Variants in MLIP observed in about 807,000 individuals in gnomAD.
The protein encoded by MLIP is muscular LMNA-interacting protein.
Under a neutral mutation model 84.8 loss-of-function variants are expected in MLIP, and 79 were observed. The observed-to-expected ratio is 0.93, with a 90% confidence interval of 0.78 to 1.12. MLIP has a LOEUF of 1.12. Ranked by LOEUF, MLIP falls within the 50% of genes most tolerant of loss-of-function variation. The pLI, the probability that MLIP is intolerant of heterozygous loss-of-function variation, is 0.00. For synonymous variants in MLIP, 504 were observed against 463.0 expected, an observed-to-expected ratio of 1.09 and a Z score of -1.14; for missense variants, 1,257 against 1,160.6, an observed-to-expected ratio of 1.08 and a Z score of -1.21.
At chr6:54,224,460 G>A (rs561217119) in intron 11 of MLIP, among the ~76,000 whole-genome samples, 3 of 151,728 alleles carry the variant, frequency 2.0e-5, no homozygotes, top group Admixed American at 2.0e-4. Flanking sequence ...AAAGCTCCAA[G>A]TCACAAATAG....
In MLIP at chr6:54,182,251, C is replaced by T. The variant is rs111952456; in HGVS notation, c.2545-7619C>T. ...TCCAAATGCTCTCTCCATCTGTGGG[C>T]ACTGGCTGAGCCCAACATAGTTTTG... On this transcript the variant is annotated intron_variant, in intron 9 of 13. Transcript: ENST00000502396. Among the ~76,000 whole-genome samples, 6 of 152,302 alleles carry T rather than the reference C, an allele frequency of 3.9e-5. No homozygotes were observed. The East Asian group carries it at 7.7e-4, about 20-fold the overall frequency.
chr6:54,120,401 ATT>A (rs10708241), intron 1 of MLIP, among the ~76,000 whole-genome samples: 3 of 151,172 alleles, frequency 2.0e-5, no homozygotes, highest in African/African-American at 4.9e-5. Flanking sequence ...CGCCCGGCTC[ATT>A]TTTTTTTGTA....
intron 1 of MLIP, among the ~76,000 whole-genome samples, chr6:54,038,318 A>G (rs1764557422): frequency 6.6e-6 from 1 of 151,952 alleles, no homozygotes; most frequent in South Asian, 2.1e-4. Context: ...CACCTTGTTC[A>G]TTCCTGAGGT....
At chr6:54,218,920 C>T (rs1780027246) in intron 11 of MLIP, among the ~76,000 whole-genome samples, 1 of 151,786 alleles carries the variant, frequency 6.6e-6, no homozygotes, top group Non-Finnish European at 1.5e-5. Context: ...AATGCAAACA[C>T]AGGCCAGGTG....
chr6:54,236,832 G>A (rs1316058138), intron 12 of MLIP, among the ~76,000 whole-genome samples: 2 of 152,066 alleles, frequency 1.3e-5, no homozygotes, highest in East Asian at 1.9e-4. Flanking sequence ...TTGGCCATGA[G>A]TTTGGTGCTA....
At chr6:54,204,073 A>C (rs1778878419) in intron 11 of MLIP, among the ~76,000 whole-genome samples, 1 of 152,228 alleles carries the variant, frequency 6.6e-6, no homozygotes, top group South Asian at 2.1e-4. Context: ...TATTTACAAA[A>C]TTCAGATGAA....
chr6:54,040,798 T>C (rs1192972891), intron 1 of MLIP, among the ~76,000 whole-genome samples: 2 of 152,062 alleles, frequency 1.3e-5, no homozygotes, highest in African/African-American at 4.8e-5. Context: ...ATTATCCTAA[T>C]AGAATTAATG....
chr6:54,063,365 G>A (rs1342980962), intron 1 of MLIP: 1 of 151,868 alleles, frequency 6.6e-6, no homozygotes, highest in Non-Finnish European at 1.5e-5. Context: ...TGTTGGTAGC[G>A]ATGGGGAGTA....
chr6:54,113,786 A>G (rs1006046878), intron 1 of MLIP, among the ~76,000 whole-genome samples: 1 of 152,168 alleles, frequency 6.6e-6, no homozygotes, highest in African/African-American at 2.4e-5. Flanking sequence ...CAGTCATCAT[A>G]GTATCAACTC....
chr6:54,156,680 C>A (rs898262076), intron 5 of MLIP, among the ~76,000 whole-genome samples: 5 of 152,006 alleles, frequency 3.3e-5, no homozygotes, highest in African/African-American at 1.2e-4. Flanking sequence ...AATCATATTA[C>A]TTCTATGATT....
chr6:54,040,580 A>ATCT (rs1476799297), intron 1 of MLIP, among the ~76,000 whole-genome samples: 1 of 152,074 alleles, frequency 6.6e-6, no homozygotes, highest in Non-Finnish European at 1.5e-5. Flanking sequence ...TGCAAAGGAA[A>ATCT]ATAGATTGCT....
intron 2 of MLIP, 137 bp from the exon 3 acceptor site, chr6:54,124,336 C>G: frequency 1.2e-6 from 1 of 866,394 alleles, no homozygotes; most frequent in Non-Finnish European, 1.7e-6. Context: ...TAACTTCAAC[C>G]CAATCTCTTT....
intron 11 of MLIP, among the ~76,000 whole-genome samples, chr6:54,224,674 C>G (rs1316201061): frequency 2.6e-5 from 4 of 151,944 alleles, no homozygotes; most frequent in African/African-American, 4.8e-5. Context: ...GACCCTGGTT[C>G]TCCCATCCCC....
intron 2 of MLIP, 115 bp from the exon 3 acceptor site, chr6:54,124,358 C>T: frequency 1.0e-6 from 1 of 978,824 alleles, no homozygotes; most frequent in Non-Finnish European, 1.4e-6. Context: ...TTATGTCAAC[C>T]TAATTTAATA....
chr6:54,194,197 AGCG>A (rs5876366), intron 10 of MLIP, among the ~76,000 whole-genome samples: 125,398 of 147,368 alleles, frequency 0.85, 53,308 homozygotes, highest in Non-Finnish European at 0.94. Flanking sequence ...ATCCAGCTTT[AGCG>A]GTGGGTGCAT....
At chr6:54,027,464 G>GT in intron 1 of MLIP, among the ~76,000 whole-genome samples, 1 of 151,002 alleles carries the variant, frequency 6.6e-6, no homozygotes, top group South Asian at 2.1e-4. Context: ...TTTAAAAATG[G>GT]TTTCTTTTAT....
In MLIP at chr6:54,251,874, CATATAAT is replaced by C. The variant is rs375317888; in HGVS notation, c.2923-5423_2923-5417del. 8.7e-3 allele frequency among the ~76,000 whole-genome samples: 514 copies of C among 59,260 alleles called. 4 individuals are homozygous for C. Among genetic ancestry groups the C allele is most frequent in the African/African-American group, 0.052 (478 of 9,256 alleles). The allele number at this position is 59,260 out of a possible 152,430, so 38.9% of individuals were successfully genotyped here. A position where few individuals can be genotyped will look rare whatever the true frequency, so the allele number is the denominator to read the frequency against. ...TATATAATATAAATATATATTATAACATATAATATATAATATAAATATATATTATAAC... is the reference window on the plus strand; with the variant it reads ...TATATAATATAAATATATATTATAACATATAATATAAATATATATTATAAC... On this transcript the variant is annotated intron_variant, in intron 12 of 13. Coordinates refer to ENST00000502396, the MANE Select transcript of MLIP (RefSeq NM_001281747.2).
chr6:54,114,334 A>T (rs368370316), intron 1 of MLIP, among the ~76,000 whole-genome samples: 6 of 152,048 alleles, frequency 3.9e-5, no homozygotes, highest in African/African-American at 1.4e-4. Context: ...TCACATTTCC[A>T]CTTGGTTGTA....
Position 54,137,865 on chromosome 6 carries a change from A to G in MLIP, c.1796A>G (p.Asn599Ser). ...TTATCTTCTCTATCTCCTCCTATTAATCAAAGAGCTACGTTCTCTTCTTCA... is the reference window on the plus strand; with the variant it reads ...TTATCTTCTCTATCTCCTCCTATTAGTCAAAGAGCTACGTTCTCTTCTTCA... ...SALSSLSPPI[N>S]QRATFSSSEK... The change falls in exon 4 of 14, where the codon AAT becomes AGT. Residue 599 changes from asparagine (N) to serine (S), a missense_variant. Transcript: ENST00000502396. The G allele has an allele frequency of 7.2e-6, 11 of 1,536,048 alleles. No homozygotes were observed. Among genetic ancestry groups the G allele is most frequent in the Non-Finnish European group, 9.6e-6 (11 of 1,146,884 alleles).
Sources: gnomAD v4.1 joint callset for allele counts (sites outside exome capture counted in the v4.1 genomes callset) on GRCh38, gnomAD v4.1.1 for gene constraint, MANE v1.5 for transcripts, NCBI Gene and HGNC (gene_info 2026-07-23, HGNC 2026-07-21) for gene names.